The following CCDC73 variants were observed in gnomAD, a reference collection of about 807,000 sequenced individuals.
CCDC73 encodes the protein coiled-coil domain containing 73.
A neutral mutation model predicts 116.5 loss-of-function variants in CCDC73; 95 were observed. The observed-to-expected ratio is 0.82, with a 90% CI of 0.69 to 0.97. The LOEUF is 0.97. CCDC73 is among the 50% of genes least tolerant of loss of function. CCDC73 has a pLI of 0.00. For synonymous variants in CCDC73, 398 were observed against 401.3 expected, an observed-to-expected ratio of 0.99 and a Z score of 0.10; for missense variants, 1,066 against 1,206.8, an observed-to-expected ratio of 0.88 and a Z score of 1.73.
intron 14 of CCDC73, among the ~76,000 whole-genome samples, chr11:32,635,155 G>A (rs202156743): frequency 1.6e-4 from 21 of 134,892 alleles, no homozygotes; most frequent in African/African-American, 4.9e-4. Context: ...CATGTTCATC[G>A]ACTGGAAGAC....
rs374125105 is a variant in CCDC73, at chr11:32,722,222, T to C, written c.136-4075A>G. Among the ~76,000 whole-genome samples, 360 of 152,324 alleles carry C rather than the reference T, an allele frequency of 2.4e-3. 1 individual carries two copies. The highest frequency in any genetic ancestry group is 4.5e-3 in the Non-Finnish European group (306 of 68,038). ...CTTTCCACCCCTCATGGTTGCAAAA[T>C]GGTTACTTTCATTTTAGGCATTAAC... On this transcript the variant is annotated intron_variant, in intron 2 of 17. Coordinates refer to ENST00000335185, the MANE Select transcript of CCDC73 (RefSeq NM_001008391.4).
At chr11:32,651,306 T>C (rs1011114048) in intron 12 of CCDC73, among the ~76,000 whole-genome samples, 7 of 152,144 alleles carry the variant, frequency 4.6e-5, no homozygotes, top group African/African-American at 1.7e-4. Context: ...GCCTAACACT[T>C]GAAGGCACTG....
chr11:32,690,472 T>C (rs373244145), intron 6 of CCDC73, among the ~76,000 whole-genome samples: 58 of 152,200 alleles, frequency 3.8e-4, no homozygotes, highest in Admixed American at 3.9e-4. Flanking sequence ...CCAAATCTCA[T>C]GTCAAATTGT....
At chr11:32,747,618 C>T (rs528950350) in intron 2 of CCDC73, among the ~76,000 whole-genome samples, 2 of 151,952 alleles carry the variant, frequency 1.3e-5, no homozygotes, top group African/African-American at 2.4e-5. Context: ...TTTGTTTAAA[C>T]GGTGAGCACA....
In CCDC73 at chr11:32,613,501, T is replaced by C; in HGVS notation, c.2817A>G (p.Pro939=). The C allele has an allele frequency of 6.2e-7, 1 of 1,614,138 alleles. No homozygotes were observed. ...TTGAAATGATCTTTTTGTTTTCTGA[T>C]GGATCTAGTGGTCTCTCCTTCAGCA... ...SLLLKERPLD[P]SENKKIISMA... is the part of the protein sequence containing the mutation. Residue 939 remains proline (P), a synonymous_variant, in exon 16 of 18, where the codon CCA becomes CCG. Coordinates refer to ENST00000335185, the MANE Select transcript of CCDC73 (RefSeq NM_001008391.4).
chr11:32,632,637 C>T (rs565445668), intron 14 of CCDC73, among the ~76,000 whole-genome samples: 241 of 152,086 alleles, frequency 1.6e-3, no homozygotes, highest in African/African-American at 5.5e-3. Flanking sequence ...TATAATTGTT[C>T]TATCAATTAG....
intron 9 of CCDC73, among the ~76,000 whole-genome samples, chr11:32,663,225 A>G (rs1192886628): frequency 2.0e-5 from 3 of 152,152 alleles, no homozygotes; most frequent in African/African-American, 4.8e-5. Context: ...GAAGAAAGTC[A>G]TTGGTAGCTT....
chr11:32,739,538 G>A (rs1850165411), intron 2 of CCDC73, among the ~76,000 whole-genome samples: 1 of 152,056 alleles, frequency 6.6e-6, no homozygotes, highest in Non-Finnish European at 1.5e-5. Context: ...GTTTTTGTAT[G>A]ATGATTTTGT....
At chr11:32,816,284 A>T in the CCDC73 span, among the ~76,000 whole-genome samples, 1 of 152,226 alleles carries the variant, frequency 6.6e-6, no homozygotes, top group African/African-American at 2.4e-5. Flanking sequence ...AACCATGGAA[A>T]TGATCACAAT....
At chr11:32,676,050 T>C (rs770763708) in intron 7 of CCDC73, 29 bp from the exon 8 acceptor site, 1 of 1,554,966 alleles carries the variant, frequency 6.4e-7, no homozygotes. Flanking sequence ...TTAAATGTTA[T>C]ACATATAACA....
At chr11:32,717,993 C>T in intron 3 of CCDC73, 83 bp downstream of exon 3, 1 of 902,856 alleles carries the variant, frequency 1.1e-6, no homozygotes, top group Non-Finnish European at 1.7e-6. Flanking sequence ...CACCTTGTCT[C>T]TCCCTTGACA....
intron 1 of CCDC73, among the ~76,000 whole-genome samples, chr11:32,781,349 ACT>A (rs1469886442): frequency 6.6e-6 from 1 of 151,982 alleles, no homozygotes; most frequent in East Asian, 1.9e-4. Flanking sequence ...AAACAATAAA[ACT>A]CTGTTTTTTG....
rs560940553 is a variant in CCDC73, at chr11:32,779,095, G to C, written c.-16+15518C>G. Among the ~76,000 whole-genome samples the C allele has an allele frequency of 3.8e-4, 58 of 152,122 alleles. 1 individual carries two copies. In the South Asian group the frequency reaches 7.5e-3, roughly 20 times the overall value. On this transcript the variant is annotated intron_variant, in intron 1 of 17. Transcript: ENST00000335185. ...TTCATGTTCCATGAATATGTTACAG[G>C]TATTAATAGTCATTGATTCTCTCAG...
chr11:32,731,709 G>C (rs1482528011), intron 2 of CCDC73, among the ~76,000 whole-genome samples: 1 of 151,986 alleles, frequency 6.6e-6, no homozygotes, highest in Admixed American at 6.5e-5. Context: ...GGTCCTGACT[G>C]TTAGAAGGAA....
intron 14 of CCDC73, among the ~76,000 whole-genome samples, chr11:32,617,948 GA>G (rs1433767716): frequency 4.6e-4 from 70 of 152,300 alleles, no homozygotes; most frequent in African/African-American, 1.5e-3. Flanking sequence ...TATATTGCAT[GA>G]TGCTGAGCTT....
Position 32,742,029 on chromosome 11 carries a change from G to A in CCDC73, c.135+18080C>T, listed in dbSNP as rs374300973. On this transcript the variant is annotated intron_variant, in intron 2 of 17. Transcript: ENST00000335185. ...CTGCATAGTATTCCATGGTGTATATGTGCCACATTTTCTTAATCCAGTCTA... is the reference window on the plus strand; with the variant it reads ...CTGCATAGTATTCCATGGTGTATATATGCCACATTTTCTTAATCCAGTCTA... Among the ~76,000 whole-genome samples the A allele has an allele frequency of 1.2e-4, 18 of 152,200 alleles. No individual in the cohort carries two copies. The East Asian group carries it at 1.3e-3, about 11-fold the overall frequency.
At chr11:32,622,248 C>T (rs78985471) in intron 14 of CCDC73, among the ~76,000 whole-genome samples, 5 of 151,838 alleles carry the variant, frequency 3.3e-5, no homozygotes, top group Non-Finnish European at 5.9e-5. Context: ...AGCAAAGACA[C>T]GGAACCAGTC....
chr11:32,668,352 CA>C (rs1431186049), intron 9 of CCDC73, among the ~76,000 whole-genome samples: 3 of 152,082 alleles, frequency 2.0e-5, no homozygotes, highest in African/African-American at 7.2e-5. Flanking sequence ...CAAGAAAATG[CA>C]CCATGTTTCA....
At chr11:32,642,826 T>G (rs1333791669) in intron 12 of CCDC73, among the ~76,000 whole-genome samples, 1 of 151,854 alleles carries the variant, frequency 6.6e-6, no homozygotes, top group Non-Finnish European at 1.5e-5. Context: ...TACAAAGCTA[T>G]GCACATTCAG....
Sources: gnomAD v4.1 joint callset for allele counts (sites outside exome capture counted in the v4.1 genomes callset) on GRCh38, gnomAD v4.1.1 for gene constraint, MANE v1.5 for transcripts, NCBI Gene and HGNC (gene_info 2026-07-23, HGNC 2026-07-21) for gene names.